EPHB2: variants seen among roughly 807,000 people sequenced by gnomAD.
The protein encoded by EPHB2 is EPH receptor B2.
A neutral mutation model predicts 96.4 loss-of-function variants in EPHB2; 18 were observed. That is an observed-to-expected ratio of 0.19 (90% CI 0.13 to 0.28). The LOEUF (loss-of-function observed/expected upper bound fraction) is 0.28. EPHB2 is among the 10% of genes least tolerant of loss of function. The probability of loss-of-function intolerance (pLI) is 1.00; values close to 1 mark genes in which losing one functional copy is unlikely to be tolerated. For synonymous variants in EPHB2, 506 were observed against 534.1 expected (o/e 0.95, Z 0.72); for missense variants, 989 against 1,355.4 (o/e 0.73, Z 4.25).
In EPHB2 at chr1:22,740,736, G is replaced by A. The variant is rs1047045185; in HGVS notation, c.61+29693G>A. ...TCCCTCTGCCTGGCGGCCCTTCCCC[G>A]CCCGTCTCATCCCTCCCAGAGCCCC... On this transcript the variant is annotated intron_variant, in intron 1 of 15. Coordinates refer to ENST00000374630, the MANE Select transcript of EPHB2 (RefSeq NM_017449.5). 2.1e-4 allele frequency among the ~76,000 whole-genome samples: 31 copies of A among 147,436 alleles called. 1 individual carries two copies. The highest frequency in any genetic ancestry group is 6.1e-4 in the African/African-American group (24 of 39,656).
At chr1:22,761,572 G>A (rs553830910) in intron 1 of EPHB2, among the ~76,000 whole-genome samples, 4 of 152,290 alleles carry the variant, frequency 2.6e-5, no homozygotes, top group Non-Finnish European at 5.9e-5. Flanking sequence ...CTGAGCCTCC[G>A]TTCCCTTGTC....
rs572784399 is a variant in EPHB2, at chr1:22,842,793, A to G, written c.812-20244A>G. 1.7e-4 allele frequency among the ~76,000 whole-genome samples: 26 copies of G among 151,922 alleles called. No individual in the cohort carries two copies. The South Asian group carries it at 2.3e-3, about 13-fold the overall frequency. ...TCCCTCTGAGGAAGAGCCTTTGTAC[A>G]TTCTGTTCCCTCTGCCTGGAATACC... On this transcript the variant is annotated intron_variant, in intron 3 of 15. Coordinates refer to ENST00000374630, the MANE Select transcript of EPHB2 (RefSeq NM_017449.5).
intron 1 of EPHB2, among the ~76,000 whole-genome samples, chr1:22,780,449 G>A (rs1216200983): frequency 1.3e-5 from 2 of 152,222 alleles, no homozygotes; most frequent in African/African-American, 2.4e-5. Flanking sequence ...TGTCCTGGGG[G>A]CAGAGTTGCC....
intron 3 of EPHB2, chr1:22,800,205 AGTT>A (rs1644822897): frequency 6.6e-6 from 1 of 152,134 alleles, no homozygotes; most frequent in Admixed American, 6.5e-5. Context: ...GCCTGCTGGG[AGTT>A]GTTTGTGTGC....
intron 1 of EPHB2, among the ~76,000 whole-genome samples, chr1:22,744,789 G>T (rs1351392569): frequency 6.6e-6 from 1 of 151,772 alleles, no homozygotes; most frequent in East Asian, 1.9e-4. Flanking sequence ...CCAGTTCAAG[G>T]CTGCAGTGAG....
intron 5 of EPHB2, among the ~76,000 whole-genome samples, chr1:22,880,060 C>T (rs1019993110): frequency 2.0e-5 from 3 of 151,590 alleles, no homozygotes; most frequent in Non-Finnish European, 4.4e-5. Flanking sequence ...TTCTCGGTGT[C>T]AAGGGCTGCA....
At chr1:22,804,682 A>C (rs1414122591) in intron 3 of EPHB2, among the ~76,000 whole-genome samples, 5 of 132,086 alleles carry the variant, frequency 3.8e-5, no homozygotes, top group Middle Eastern at 3.8e-3. Context: ...TTCCCATCCC[A>C]CACCCTTCCC....
At chr1:22,712,304 T>C (rs906911754) in intron 1 of EPHB2, among the ~76,000 whole-genome samples, 1 of 152,178 alleles carries the variant, frequency 6.6e-6, no homozygotes, top group Non-Finnish European at 1.5e-5. Context: ...TGGTCTTTCT[T>C]TGAAACCAGC....
chr1:22,789,976 C>A (rs1174256495), intron 3 of EPHB2, among the ~76,000 whole-genome samples: 2 of 152,068 alleles, frequency 1.3e-5, no homozygotes, highest in African/African-American at 4.8e-5. Context: ...GACTCAGACA[C>A]CCAGGGAACG....
intron 1 of EPHB2, among the ~76,000 whole-genome samples, chr1:22,729,239 T>A (rs570926306): frequency 1.3e-5 from 2 of 152,308 alleles, no homozygotes; most frequent in East Asian, 3.9e-4. Flanking sequence ...CCGAGGGGTG[T>A]GGACATTCTC....
In EPHB2 at chr1:22,906,234, T is replaced by G; in HGVS notation, c.1888+125T>G. The G allele has an allele frequency of 6.9e-7, 1 of 1,454,188 alleles. No homozygotes were observed. The allele number at this position is 1,454,188 out of a possible 1,614,324, so 90.1% of individuals were successfully genotyped here. Reference sequence around the variant, plus strand: ...GCGCCTCAAAGGACCCCCCAAGGCCTGAAGGTTCAGAATGACCATGAAAGA... The same window carrying G: ...GCGCCTCAAAGGACCCCCCAAGGCCGGAAGGTTCAGAATGACCATGAAAGA... On this transcript the variant is annotated intron_variant, in intron 10 of 15. Coordinates refer to ENST00000374630, the MANE Select transcript of EPHB2 (RefSeq NM_017449.5). This position sits in a 1 kb window ranked among gnomAD's most constrained non-coding sequence, Gnocchi z 4.8.
chr1:22,791,052 C>T (rs908141036), intron 3 of EPHB2, among the ~76,000 whole-genome samples: 9 of 152,196 alleles, frequency 5.9e-5, no homozygotes, highest in African/African-American at 2.2e-4. Flanking sequence ...CCTCTCCCAA[C>T]CTTTGTTTTC....
intron 1 of EPHB2, chr1:22,775,161 C>T (rs1212828393): frequency 1.3e-6 from 1 of 779,242 alleles, no homozygotes; most frequent in African/African-American, 1.7e-5. Context: ...AAGGCTATGG[C>T]CATGGCATCT....
intron 6 of EPHB2, among the ~76,000 whole-genome samples, chr1:22,890,725 G>A (rs2148563211): frequency 6.6e-6 from 1 of 152,214 alleles, no homozygotes; most frequent in Non-Finnish European, 1.5e-5. Flanking sequence ...TGAATCACGG[G>A]GGTGGTTACC....
intron 6 of EPHB2, chr1:22,892,673 A>G: frequency 1.4e-6 from 1 of 694,350 alleles, no homozygotes; most frequent in Non-Finnish European, 2.6e-6. Flanking sequence ...TCCATAAGAC[A>G]GAGACATATA....
At chr1:22,884,619 C>CAAAA (rs10599403) in intron 6 of EPHB2, among the ~76,000 whole-genome samples, 4 of 87,362 alleles carry the variant, frequency 4.6e-5, no homozygotes, top group Non-Finnish European at 8.8e-5. Context: ...GATGCTGTCT[C>CAAAA]AAAAAAAAAA....
At chr1:22,830,562 C>T (rs1645290059) in intron 3 of EPHB2, among the ~76,000 whole-genome samples, 1 of 152,156 alleles carries the variant, frequency 6.6e-6, no homozygotes, top group South Asian at 2.1e-4. Flanking sequence ...AATTCATATT[C>T]ATTTCTTTTG....
intron 1 of EPHB2, among the ~76,000 whole-genome samples, chr1:22,759,496 G>A (rs573214885): frequency 4.6e-5 from 7 of 152,174 alleles, no homozygotes; most frequent in African/African-American, 7.2e-5. Context: ...TCTTGGAGTC[G>A]GCTGAGCTCA....
chr1:22,897,234 A>C (rs1367299290), intron 9 of EPHB2, among the ~76,000 whole-genome samples: 1 of 152,198 alleles, frequency 6.6e-6, no homozygotes, highest in South Asian at 2.1e-4. Flanking sequence ...TCCTCTCTCC[A>C]CTTGACCTGG....
Sources: gnomAD v4.1 joint callset for allele counts (sites outside exome capture counted in the v4.1 genomes callset) on GRCh38, gnomAD v4.1.1 for gene constraint, Gnocchi (gnomAD v3.1) non-coding constraint, MANE v1.5 for transcripts, NCBI Gene and HGNC (gene_info 2026-07-23, HGNC 2026-07-21) for gene names.